Variants in CDH2 observed in about 807,000 individuals in gnomAD.
The protein encoded by CDH2 is cadherin 2.
Under a neutral mutation model 92.0 loss-of-function variants are expected in CDH2, and 17 were observed. That is an observed-to-expected ratio of 0.18 (90% CI 0.13 to 0.28). The LOEUF is 0.28. Among genes scored for constraint, CDH2 ranks in the 10% least tolerant of loss-of-function variants. The pLI, the probability that CDH2 is intolerant of heterozygous loss-of-function variation, is 1.00. For missense variants in CDH2, 862 were observed against 1,133.1 expected (o/e 0.76, Z 3.44); for synonymous variants, 419 against 415.9 (o/e 1.01, Z -0.09).
intron 2 of CDH2, among the ~76,000 whole-genome samples, chr18:28,136,383 A>C (rs1308388527): frequency 6.6e-6 from 1 of 151,350 alleles, no homozygotes; most frequent in Non-Finnish European, 1.5e-5. Flanking sequence ...TCTTTGCTGT[A>C]ATCTTTTTTT....
chr18:27,992,414 C>A (rs1395483392), intron 9 of CDH2, among the ~76,000 whole-genome samples: 1 of 152,194 alleles, frequency 6.6e-6, no homozygotes, highest in Non-Finnish European at 1.5e-5. Context: ...ACAAAACTCT[C>A]ATCATAAAAC....
At chr18:28,115,349 A>G (rs1355468057) in intron 2 of CDH2, among the ~76,000 whole-genome samples, 2 of 152,044 alleles carry the variant, frequency 1.3e-5, no homozygotes, top group Admixed American at 1.3e-4. Context: ...TGTTCTCCAG[A>G]CCCTCCAAAC....
chr18:28,133,315 G>A (rs1176996316), intron 2 of CDH2, among the ~76,000 whole-genome samples: 1 of 152,082 alleles, frequency 6.6e-6, no homozygotes. Context: ...CGGGCGTGAT[G>A]GCTCATGCCT....
intron 1 of CDH2, 145 bp downstream of exon 1, chr18:28,176,818 C>G: frequency 3.9e-6 from 1 of 258,390 alleles, no homozygotes; most frequent in Non-Finnish European, 6.1e-6. Flanking sequence ...TGCGCAGCTA[C>G]CGGCCGCGCG....
chr18:28,140,561 A>C (rs2015935649), intron 2 of CDH2, among the ~76,000 whole-genome samples: 1 of 151,816 alleles, frequency 6.6e-6, no homozygotes, highest in Non-Finnish European at 1.5e-5. Flanking sequence ...CTACCATGTG[A>C]GGTTACAATG....
At chr18:27,971,778 T>G (rs551286094) in intron 14 of CDH2, among the ~76,000 whole-genome samples, 18 of 152,298 alleles carry the variant, frequency 1.2e-4, no homozygotes, top group South Asian at 2.1e-4. Context: ...GGAACATCAT[T>G]AACAAAGCAT....
chr18:27,983,944 T>A (rs2012142988), intron 13 of CDH2, among the ~76,000 whole-genome samples: 2 of 152,236 alleles, frequency 1.3e-5, no homozygotes, highest in Admixed American at 6.5e-5. Flanking sequence ...AGCAAAAGAT[T>A]TAATGACTCC....
intron 2 of CDH2, among the ~76,000 whole-genome samples, chr18:28,117,904 C>A (rs2015522064): frequency 6.6e-6 from 1 of 152,048 alleles, no homozygotes; most frequent in African/African-American, 2.4e-5. Flanking sequence ...GGCCACCTGT[C>A]ATCTAAATGA....
chr18:28,052,091 T>C (rs962428336), intron 2 of CDH2, among the ~76,000 whole-genome samples: 2 of 152,194 alleles, frequency 1.3e-5, no homozygotes, highest in African/African-American at 4.8e-5. Flanking sequence ...ATAACTGTTA[T>C]GAGATATCCG....
At chr18:28,153,371 G>A (rs1275075508) in intron 1 of CDH2, among the ~76,000 whole-genome samples, 1 of 152,068 alleles carries the variant, frequency 6.6e-6, no homozygotes. Context: ...TCCAAAATTT[G>A]GTCTCAATAA....
intron 15 of CDH2, among the ~76,000 whole-genome samples, chr18:27,962,146 C>CCTAA (rs2011421505): frequency 6.6e-6 from 1 of 152,134 alleles, no homozygotes; most frequent in East Asian, 1.9e-4. Context: ...TGCAAATTCT[C>CCTAA]CTAACTGGAT....
At chr18:28,134,175 C>T (rs1443970659) in intron 2 of CDH2, among the ~76,000 whole-genome samples, 2 of 144,104 alleles carry the variant, frequency 1.4e-5, no homozygotes, top group African/African-American at 2.6e-5. Context: ...GAGGCTGAGG[C>T]GGAAGAATCA....
At chr18:28,037,415 TC>T (rs933314056) in intron 2 of CDH2, among the ~76,000 whole-genome samples, 4 of 152,096 alleles carry the variant, frequency 2.6e-5, no homozygotes, top group African/African-American at 9.7e-5. Flanking sequence ...TTTTTAAACA[TC>T]CCCCTTTTAA....
In CDH2 at chr18:27,955,761, G is replaced by T. The variant is rs17445566; in HGVS notation, c.2515-3402C>A. 1.5e-3 allele frequency among the ~76,000 whole-genome samples: 167 copies of T among 111,662 alleles called. 2 individuals carry two copies. Among genetic ancestry groups the T allele is most frequent in the Non-Finnish European group, 1.7e-3 (97 of 56,746 alleles). The allele number at this position is 111,662 out of a possible 152,430, so 73.3% of individuals were successfully genotyped here. A position where few individuals can be genotyped will look rare whatever the true frequency, so the allele number is the denominator to read the frequency against. On this transcript the variant is annotated intron_variant, in intron 15 of 15. Transcript: ENST00000269141. ...ACAAATCTCTGTTTTCTTTATTTCT[G>T]TTTTTTTTTTTTTTTTTTTAAAGAG...
chr18:27,950,747 G>A (rs1001643400), downstream of CDH2, among the ~76,000 whole-genome samples: 1 of 152,110 alleles, frequency 6.6e-6, no homozygotes, highest in Non-Finnish European at 1.5e-5. Context: ...CCACCAGTAG[G>A]GTCTATTCCT....
intron 6 of CDH2, among the ~76,000 whole-genome samples, chr18:27,939,224 A>G (rs140979835): frequency 6.6e-6 from 1 of 152,250 alleles, no homozygotes; most frequent in East Asian, 1.9e-4. Flanking sequence ...AGATGAACTA[A>G]TCACTGTGGG....
At chr18:27,990,553 T>A (rs1452628483) in intron 9 of CDH2, among the ~76,000 whole-genome samples, 2 of 152,208 alleles carry the variant, frequency 1.3e-5, no homozygotes, top group Non-Finnish European at 2.9e-5. Flanking sequence ...TTATAAATCT[T>A]GAGTACTTAA....
At chr18:28,145,544 T>C (rs1195467654) in intron 2 of CDH2, among the ~76,000 whole-genome samples, 1 of 152,058 alleles carries the variant, frequency 6.6e-6, no homozygotes, top group African/African-American at 2.4e-5. Flanking sequence ...AGCATTGGAT[T>C]ATCCTTCTAA....
At chr18:27,965,516 G>A (rs2011512019) in intron 14 of CDH2, among the ~76,000 whole-genome samples, 1 of 152,234 alleles carries the variant, frequency 6.6e-6, no homozygotes, top group Non-Finnish European at 1.5e-5. Flanking sequence ...AAAGGCATCA[G>A]AATGCTGCTT....
Sources: allele counts gnomAD v4.1 joint callset (sites outside exome capture counted in the v4.1 genomes callset), GRCh38; gene constraint gnomAD v4.1.1; transcripts MANE v1.5; gene names NCBI Gene and HGNC (gene_info 2026-07-23, HGNC 2026-07-21).